NLRP7: variants seen among roughly 807,000 people sequenced by gnomAD.
NLRP7 encodes NACHT, LRR and PYD domains-containing protein 7.
A neutral mutation model predicts 85.5 loss-of-function variants in NLRP7; 72 were observed. The observed-to-expected ratio is 0.84, with a 90% CI of 0.70 to 1.02. The LOEUF (loss-of-function observed/expected upper bound fraction) is 1.02. NLRP7 is among the 50% of genes least tolerant of loss of function. The probability of loss-of-function intolerance (pLI) is 0.00; values close to 1 mark genes in which losing one functional copy is unlikely to be tolerated. For synonymous variants in NLRP7, 550 were observed against 505.2 expected (o/e 1.09, Z -1.19); for missense variants, 1,243 against 1,219.5 (o/e 1.02, Z -0.29).
intron 9 of NLRP7, among the ~76,000 whole-genome samples, chr19:54,924,261 C>A (rs940218337): frequency 6.6e-6 from 1 of 152,120 alleles, no homozygotes; most frequent in Non-Finnish European, 1.5e-5. Context: ...AGCCACAGCA[C>A]CCAGTCAGAA....
intron 1 of NLRP7, among the ~76,000 whole-genome samples, chr19:54,962,724 C>T (rs1414888299): frequency 8.7e-5 from 13 of 150,090 alleles, no homozygotes; most frequent in East Asian, 2.0e-4. Flanking sequence ...CTCAGCCTCC[C>T]GAGTAGCTGG....
At chr19:54,965,856 C>CG (rs1219027576) in intron 1 of NLRP7, among the ~76,000 whole-genome samples, 6 of 85,236 alleles carry the variant, frequency 7.0e-5, no homozygotes, top group African/African-American at 2.8e-4. Context: ...GCGGAGGCTG[C>CG]GGGGAGCCGA....
chr19:54,957,911 C>G (rs1367719453), intron 1 of NLRP7, among the ~76,000 whole-genome samples: 1 of 152,018 alleles, frequency 6.6e-6, no homozygotes, highest in South Asian at 2.1e-4. Context: ...GACCCAGTCT[C>G]TATTTAAAAA....
At chr19:54,932,809 C>T (rs536526821) in intron 8 of NLRP7, among the ~76,000 whole-genome samples, 3 of 152,204 alleles carry the variant, frequency 2.0e-5, no homozygotes, top group East Asian at 3.9e-4. Context: ...GCACGCACCA[C>T]CAAGCCTGGT....
At chr19:54,946,678 C>G (rs1287418266) in intron 1 of NLRP7, among the ~76,000 whole-genome samples, 1 of 146,812 alleles carries the variant, frequency 6.8e-6, no homozygotes, top group African/African-American at 2.5e-5. Flanking sequence ...CGCACTCTGT[C>G]TCCCAGGCTG....
At chr19:54,958,499 G>A (rs1016883287) in intron 1 of NLRP7, among the ~76,000 whole-genome samples, 4 of 151,048 alleles carry the variant, frequency 2.6e-5, no homozygotes, top group African/African-American at 9.9e-5. Context: ...AAGTTAGCTA[G>A]CTGGGCATAG....
intron 6 of NLRP7, among the ~76,000 whole-genome samples, chr19:54,935,949 G>A (rs982106525): frequency 2.2e-4 from 33 of 152,134 alleles, no homozygotes; most frequent in African/African-American, 6.3e-4. Flanking sequence ...GGCCCGCGGT[G>A]CAGAAAAGGC....
chr19:54,953,779 G>A (rs991936402), intron 1 of NLRP7, among the ~76,000 whole-genome samples: 6 of 151,602 alleles, frequency 4.0e-5, no homozygotes, highest in African/African-American at 1.5e-4. Flanking sequence ...GAGGCGGGTG[G>A]ATCACACGGT....
At chr19:54,929,196 T>C (rs2068569305) in intron 9 of NLRP7, among the ~76,000 whole-genome samples, 1 of 151,862 alleles carries the variant, frequency 6.6e-6, no homozygotes, top group African/African-American at 2.4e-5. Context: ...TGGTGAAACC[T>C]GGTCTCTACT....
chr19:54,923,689 A>G (rs2068312268), exon 10 of NLRP7: 1 of 1,606,684 alleles, frequency 6.2e-7, no homozygotes, highest in South Asian at 1.1e-5. Context: ...AAGACATCTT[A>G]GAGACCCGAA....
At chr19:54,961,106 G>A (rs577964475) in intron 1 of NLRP7, among the ~76,000 whole-genome samples, 11 of 151,946 alleles carry the variant, frequency 7.2e-5, no homozygotes, top group African/African-American at 2.7e-4. Context: ...AGGCATAGTG[G>A]CTCACACCTG....
intron 1 of NLRP7, among the ~76,000 whole-genome samples, chr19:54,959,124 CTTGT>C (rs1568437194): frequency 1.3e-5 from 2 of 149,822 alleles, no homozygotes; most frequent in African/African-American, 4.9e-5. Context: ...GTTTCACTTC[CTTGT>C]TTTTTTCTTT....
intron 1 of NLRP7, among the ~76,000 whole-genome samples, chr19:54,962,194 A>G (rs116230407): frequency 0.031 from 4,629 of 150,276 alleles, 276 homozygotes; most frequent in African/African-American, 0.11. Flanking sequence ...ATGAAAAAGA[A>G]TTTATTGAAA....
chr19:54,959,141 C>CTTTTTT (rs74177888), intron 1 of NLRP7, among the ~76,000 whole-genome samples: 2 of 134,668 alleles, frequency 1.5e-5, no homozygotes, highest in African/African-American at 2.8e-5. Context: ...TTTTCTTTTT[C>CTTTTTT]TTTTTTTTTT....
chr19:54,936,488 G>C (rs1290438851), intron 5 of NLRP7, 57 bp from the exon 6 acceptor site: 3 of 1,411,072 alleles, frequency 2.1e-6, no homozygotes, highest in African/African-American at 1.4e-5. Flanking sequence ...ATTGTGTGGA[G>C]GCATGTATAA....
At chr19:54,963,862 A>T (rs1183148340) in intron 1 of NLRP7, among the ~76,000 whole-genome samples, 1 of 150,076 alleles carries the variant, frequency 6.7e-6, no homozygotes, top group African/African-American at 2.4e-5. Flanking sequence ...AAACATGAAA[A>T]AAAGCTATAA....
At chr19:54,959,581 G>A (rs1328282099) in intron 1 of NLRP7, among the ~76,000 whole-genome samples, 3 of 151,938 alleles carry the variant, frequency 2.0e-5, no homozygotes, top group African/African-American at 7.2e-5. Flanking sequence ...AGGAGGTTGA[G>A]GTGGGAGGAT....
At chr19:54,953,165 G>GCA (rs2069726175) in intron 1 of NLRP7, 1 of 152,112 alleles carries the variant, frequency 6.6e-6, no homozygotes, top group South Asian at 2.1e-4. Context: ...TGATAACACA[G>GCA]GTAGCAATGT....
rs754905276 is a variant in NLRP7 at position 54,940,199 on chromosome 19, G to A, written c.620C>T (p.Ala207Val). The A allele has an allele frequency of 6.8e-6, 11 of 1,614,066 alleles. No individual in the cohort carries two copies. In the South Asian group the frequency reaches 9.9e-5, roughly 14 times the overall value. Residue 207 changes from alanine to valine, a missense_variant, in exon 4 of 10, where the codon GCG (alanine) becomes GTG (valine). Physicochemically the swap from Ala to Val is moderately conservative, Grantham distance 64. Around this residue, in one of 3 missense-constraint regions of NLRP7, gnomAD observed 591 missense variants for 563.3 expected, o/e 1.05. Coordinates refer to ENST00000340844, the Ensembl canonical transcript of NLRP7. ...GAGCTCCTTGCAGCTGAGGTAGAAC[G>A]CGTATCTGAGCGTCGGGCTGAGGTT...
Sources: allele counts gnomAD v4.1 joint callset (sites outside exome capture counted in the v4.1 genomes callset), GRCh38; gene constraint gnomAD v4.1.1; regional missense constraint gnomAD v4.1.1; transcripts MANE v1.5; gene names NCBI Gene and HGNC (gene_info 2026-07-23, HGNC 2026-07-21).